Variants in MTCH1 observed in about 807,000 individuals in gnomAD.
The protein encoded by MTCH1 is mitochondrial carrier homolog 1.
In MTCH1, 23 loss-of-function variants were observed where a neutral mutation model predicts 49.3. The ratio of observed to expected loss-of-function variants is 0.47; its 90% confidence interval spans 0.34 to 0.66. MTCH1 has a LOEUF of 0.66. Among genes scored for constraint, MTCH1 ranks in the 30% least tolerant of loss-of-function variants. The probability of loss-of-function intolerance (pLI) is 0.01; values close to 1 mark genes in which losing one functional copy is unlikely to be tolerated. For missense variants in MTCH1, 397 were observed against 532.1 expected, an observed-to-expected ratio of 0.75 and a Z score of 2.50; for synonymous variants, 229 against 215.2, an observed-to-expected ratio of 1.06 and a Z score of -0.56.
At chr6:36,978,015 G>T in intron 4 of MTCH1, 63 bp downstream of exon 4, 1 of 1,425,156 alleles carries the variant, frequency 7.0e-7, no homozygotes, top group Non-Finnish European at 9.9e-7. Flanking sequence ...CGCCCAACTT[G>T]GGGGTGAGAA....
At chr6:36,970,623 G>C in intron 9 of MTCH1, 24 bp downstream of exon 9, 3 of 1,614,114 alleles carry the variant, frequency 1.9e-6, no homozygotes, top group Non-Finnish European at 2.5e-6. Context: ...GCAGTGGGAA[G>C]GAAGGACAGC....
At chr6:36,983,600 T>C (rs569792482) in intron 1 of MTCH1, among the ~76,000 whole-genome samples, 1 of 152,312 alleles carries the variant, frequency 6.6e-6, no homozygotes, top group Non-Finnish European at 1.5e-5. Context: ...TTAAACCCAA[T>C]TTCAACCTCA....
chr6:36,969,677 G>T, intron 11 of MTCH1: 1 of 1,205,630 alleles, frequency 8.3e-7, no homozygotes, highest in South Asian at 1.6e-5. Flanking sequence ...CAGCTCAACT[G>T]GTTACAGACC....
upstream of MTCH1, chr6:36,986,404 A>T: frequency 2.9e-6 from 1 of 346,996 alleles, no homozygotes; most frequent in Non-Finnish European, 5.1e-6. Context: ...CGGGCTCGGG[A>T]GCTGTGGCGG....
Position 36,982,142 on chromosome 6 carries a change from A to G in MTCH1, c.322-470T>C, listed in dbSNP as rs1335840827. On this transcript the variant is annotated intron_variant, in intron 1 of 11. Coordinates refer to ENST00000373627, the MANE Select transcript of MTCH1 (RefSeq NM_001271641.2). The surrounding 1 kb of genome is among the most constrained non-coding windows in gnomAD (Gnocchi z 4.1). ...TCAGCCATTAAGTCATCTATTCCAAAGTGCACCCCAAACTCAAATTTCTTA... is the reference window on the plus strand; with the variant it reads ...TCAGCCATTAAGTCATCTATTCCAAGGTGCACCCCAAACTCAAATTTCTTA... Among the ~76,000 whole-genome samples the G allele has an allele frequency of 6.6e-6, 1 of 152,134 alleles. No homozygotes were observed. Among genetic ancestry groups the G allele is most frequent in the Non-Finnish European group, 1.5e-5 (1 of 68,030 alleles).
intron 6 of MTCH1, 78 bp from the exon 7 acceptor site, chr6:36,975,795 C>T (rs192687584): frequency 7.3e-7 from 1 of 1,360,936 alleles, no homozygotes; most frequent in Non-Finnish European, 1.0e-6. Context: ...GGGGCTGAGC[C>T]CACCAGTTCT....
At chr6:36,970,974 T>C (rs572608149) in intron 8 of MTCH1, 1 of 510,916 alleles carries the variant, frequency 2.0e-6, no homozygotes, top group East Asian at 3.6e-5. Context: ...TGAGCCCGTG[T>C]CTGCCTGATC....
At chr6:36,978,367 A>G in intron 3 of MTCH1, 138 bp downstream of exon 3, 1 of 912,434 alleles carries the variant, frequency 1.1e-6, no homozygotes, top group Non-Finnish European at 1.7e-6. Flanking sequence ...GTGGGGTGGG[A>G]GCTCCCCCAT....
rs1394128379 is a variant in MTCH1, at chr6:36,982,455, C to T, written c.322-783G>A. ...GTGCAATGGCGTGCTCTCAGCTCAC[C>T]GCAACCTCCACCTCCTCCACCTCCC... On this transcript the variant is annotated intron_variant, in intron 1 of 11. Transcript: ENST00000373627. This position sits in a 1 kb window ranked among gnomAD's most constrained non-coding sequence, Gnocchi z 4.1. Among the ~76,000 whole-genome samples, 3 of 151,912 alleles carry T rather than the reference C, an allele frequency of 2.0e-5. No homozygotes were observed. Among genetic ancestry groups the T allele is most frequent in the Admixed American group, 6.6e-5 (1 of 15,256 alleles).
At chr6:36,973,111 A>G (rs1250569385) in intron 7 of MTCH1, among the ~76,000 whole-genome samples, 1 of 152,218 alleles carries the variant, frequency 6.6e-6, no homozygotes, top group African/African-American at 2.4e-5. Context: ...AATGCAGATA[A>G]TAAGAGTGCC....
intron 7 of MTCH1, among the ~76,000 whole-genome samples, chr6:36,974,520 G>A (rs887033504): frequency 6.6e-6 from 1 of 152,108 alleles, no homozygotes; most frequent in African/African-American, 2.4e-5. Flanking sequence ...ACAGATGCAA[G>A]CAACGACACC....
rs3798479 is a variant in MTCH1 at position 36,973,847 on chromosome 6, C to T, written c.762-1051G>A. On this transcript the variant is annotated intron_variant, in intron 7 of 11. Coordinates refer to ENST00000373627, the MANE Select transcript of MTCH1 (RefSeq NM_001271641.2). ...GCAGCCATTGGCTGGGGTCCCGGGGCTGCCCCTTTGGCAGGGCACATGGTC... is the reference window on the plus strand; with the variant it reads ...GCAGCCATTGGCTGGGGTCCCGGGGTTGCCCCTTTGGCAGGGCACATGGTC... 2.6e-4 allele frequency among the ~76,000 whole-genome samples: 39 copies of T among 152,356 alleles called. 1 individual carries two copies. The East Asian group carries it at 6.7e-3, about 26-fold the overall frequency.
chr6:36,977,276 C>T lies in MTCH1; in HGVS notation c.650-26G>A, dbSNP rs1763914659. ...CTGAGGAAAAAAAAGAAAACACACACAGGTGATGTGGTGGGCCACACTTCA... is the reference window on the plus strand; with the variant it reads ...CTGAGGAAAAAAAAGAAAACACACATAGGTGATGTGGTGGGCCACACTTCA... On this transcript the variant is annotated intron_variant, in intron 5 of 11. Transcript: ENST00000373627. This position sits in a 1 kb window ranked among gnomAD's most constrained non-coding sequence, Gnocchi z 5.4. 5 of 1,613,052 alleles carry T rather than the reference C, an allele frequency of 3.1e-6. No individual in the cohort carries two copies. The highest frequency in any genetic ancestry group is 4.2e-6 in the Non-Finnish European group (5 of 1,179,662).
intron 8 of MTCH1, 93 bp from the exon 9 acceptor site, chr6:36,970,787 C>T (rs1485703724): frequency 2.9e-6 from 4 of 1,373,028 alleles, no homozygotes; most frequent in Middle Eastern, 1.8e-4. Context: ...CTGTGCTGAG[C>T]TCCTCACAAG....
At chr6:36,971,676 C>T (rs977622644) in intron 8 of MTCH1, among the ~76,000 whole-genome samples, 1 of 152,164 alleles carries the variant, frequency 6.6e-6, no homozygotes, top group African/African-American at 2.4e-5. Flanking sequence ...CACTCCTCAC[C>T]ACACAGAACA....
intron 2 of MTCH1, among the ~76,000 whole-genome samples, chr6:36,978,873 TCC>T (rs1482110388): frequency 0.019 from 2,265 of 120,062 alleles, 77 homozygotes; most frequent in African/African-American, 0.071. Flanking sequence ...CCTCCCTCCC[TCC>T]TTTTTTTTTT....
chr6:36,968,789 G>A lies in MTCH1; in HGVS notation c.*114C>T. 6.7e-7 allele frequency: 1 copy of A among 1,501,816 alleles called. No individual in the cohort carries two copies. Among genetic ancestry groups the A allele is most frequent in the Non-Finnish European group, 9.2e-7 (1 of 1,088,790 alleles). 93.0% of individuals were successfully genotyped at this position (1,501,816 alleles called of 1,614,324 possible). The stretch of plus-strand genomic sequence containing the variant: ...GCAAATATGGAACTGAAGCCCGGCT[G>A]GGCTGGAGCACATCTGGTTGTTGTT... On this transcript the variant is annotated 3_prime_UTR_variant, in exon 12 of 12. Transcript: ENST00000373627.
chr6:36,986,132 G>C lies in MTCH1; in HGVS notation c.42C>G (p.Gly14=). Residue 14 remains glycine, a synonymous_variant, in exon 1 of 12, where the codon GGC becomes GGG. Coordinates refer to ENST00000373627, the MANE Select transcript of MTCH1 (RefSeq NM_001271641.2). ...CGGCTCCCGCCATCCCCGCGGCACC[G>C]CCGCGAGCCCAGGGCGCCACTTCCG... ...SDPEVAPWAR[G]GAAGMAGAGA... is the part of the protein sequence containing the mutation. 1 of 1,435,376 alleles carries C rather than the reference G, an allele frequency of 7.0e-7. No individual in the cohort carries two copies. 88.9% of individuals were successfully genotyped at this position (1,435,376 alleles called of 1,614,324 possible).
chr6:36,969,525 A>C (rs937864515), intron 11 of MTCH1: 1 of 1,119,144 alleles, frequency 8.9e-7, no homozygotes, highest in Non-Finnish European at 1.1e-6. Context: ...GCTTCGGTAC[A>C]GAACACGAGA....
Sources: gnomAD v4.1 joint callset for allele counts (sites outside exome capture counted in the v4.1 genomes callset) on GRCh38, gnomAD v4.1.1 for gene constraint, Gnocchi (gnomAD v3.1) non-coding constraint, MANE v1.5 for transcripts, NCBI Gene and HGNC (gene_info 2026-07-23, HGNC 2026-07-21) for gene names.